PRRC2C: variants seen among roughly 807,000 people sequenced by gnomAD.
The protein encoded by PRRC2C is proline rich coiled-coil 2C, also known as protein PRRC2C.
A neutral mutation model predicts 317.2 loss-of-function variants in PRRC2C; 72 were observed. The observed-to-expected ratio is 0.23, with a 90% CI of 0.19 to 0.28. The LOEUF (loss-of-function observed/expected upper bound fraction) is 0.28, where lower values mean the gene tolerates loss of function less well. Among genes scored for constraint, PRRC2C ranks in the 10% least tolerant of loss-of-function variants. The pLI is 1.00. For missense variants in PRRC2C, 3,074 were observed against 3,459.7 expected, an observed-to-expected ratio of 0.89 and a Z score of 2.80; for synonymous variants, 1,296 against 1,205.9, an observed-to-expected ratio of 1.07 and a Z score of -1.55.
At chr1:171,556,798 A>G (rs1488164554) in intron 18 of PRRC2C, among the ~76,000 whole-genome samples, 2 of 152,258 alleles carry the variant, frequency 1.3e-5, no homozygotes, top group South Asian at 2.1e-4. Context: ...TTAATTGCCT[A>G]TAACCTTTGG....
intron 26 of PRRC2C, 134 bp downstream of exon 26, chr1:171,577,771 A>ATAATTTTTTTTTTTTTTTT (rs72021003): frequency 1.2e-5 from 3 of 257,514 alleles, no homozygotes; most frequent in Non-Finnish European, 1.2e-5. Flanking sequence ...TTAAATTCGC[A>ATAATTTTTTTTTTTTTTTT]TTTTTTTTTT....
intron 17 of PRRC2C, among the ~76,000 whole-genome samples, chr1:171,546,814 C>T (rs1330053874): frequency 2.6e-5 from 4 of 151,964 alleles, no homozygotes; most frequent in Admixed American, 2.6e-4. Context: ...AATGGGTTTT[C>T]GCCATGTTGT....
In PRRC2C at chr1:171,512,039, G is replaced by A; in HGVS notation, c.-50G>A. 1 of 1,057,616 alleles carries A rather than the reference G, an allele frequency of 9.5e-7. No homozygotes were observed. The highest frequency in any genetic ancestry group is 2.0e-4 in the Middle Eastern group (1 of 4,908). The allele number at this position is 1,057,616 out of a possible 1,614,324, so 65.5% of individuals were successfully genotyped here. ...TCTTATGTACATCTTAAGGACTGGG[G>A]TTTTAAGGGGTGTGGCAGGAGGTTT... On this transcript the variant is annotated 5_prime_UTR_variant, in exon 2 of 35. Coordinates refer to ENST00000647382, the MANE Select transcript of PRRC2C (RefSeq NM_001387844.1).
At chr1:171,550,292 G>T in intron 18 of PRRC2C, 52 bp downstream of exon 18, 4 of 1,461,216 alleles carry the variant, frequency 2.7e-6, no homozygotes, top group Middle Eastern at 1.8e-4. Context: ...GTTGCCCAAA[G>T]TGTATCAGCA....
At position 171,591,885 on chromosome 1, in the gene PRRC2C, G is replaced by GC; in HGVS notation, c.*38_*39insC. ...ATTGCAGGGGATTGGGAGGGGGGCG[G>GC]GAAAACATGGAGAATTAAGTCAGAT... is the stretch of plus-strand genomic sequence containing the variant. On this transcript the variant is annotated 3_prime_UTR_variant, in exon 35 of 35. Coordinates refer to ENST00000647382, the MANE Select transcript of PRRC2C (RefSeq NM_001387844.1). 9.2e-6 allele frequency: 4 copies of GC among 433,586 alleles called. No homozygotes were observed. The highest frequency in any genetic ancestry group is 6.5e-5 in the East Asian group (1 of 15,368). 26.9% of individuals were successfully genotyped at this position (433,586 alleles called of 1,614,324 possible). A position where few individuals can be genotyped will look rare whatever the true frequency, so the allele number is the denominator to read the frequency against.
At chr1:171,511,807 C>G (rs1040027273) in intron 1 of PRRC2C, 10 of 215,264 alleles carry the variant, frequency 4.6e-5, no homozygotes, top group African/African-American at 2.1e-4. Context: ...AACCCTTATT[C>G]TCTATGATAG....
intron 32 of PRRC2C, 113 bp from the exon 33 acceptor site, chr1:171,588,266 A>G: frequency 8.2e-7 from 1 of 1,219,668 alleles, no homozygotes; most frequent in Non-Finnish European, 1.2e-6. Flanking sequence ...CATCATAGTA[A>G]ATTTTTACCA....
intron 34 of PRRC2C, chr1:171,591,346 GA>G: frequency 1.4e-6 from 1 of 694,098 alleles, no homozygotes; most frequent in Non-Finnish European, 2.0e-6. Flanking sequence ...GGCAGACCTT[GA>G]AAAGGTGGTG....
chr1:171,535,698 A>G (rs1290993952), intron 13 of PRRC2C, 101 bp downstream of exon 13: 4 of 1,321,834 alleles, frequency 3.0e-6, no homozygotes, highest in African/African-American at 2.9e-5. Flanking sequence ...TAAAGCACAC[A>G]AAGTTCCCTT....
Position 171,592,082 on chromosome 1 carries a change from G to T in PRRC2C, c.*235G>T. On this transcript the variant is annotated 3_prime_UTR_variant, in exon 35 of 35. Coordinates refer to ENST00000647382, the MANE Select transcript of PRRC2C (RefSeq NM_001387844.1). ...TAACATGTGCTTGGTTGATGGCCAT[G>T]CATCTTCAGTCAGAATTTATATATA... 1.6e-5 allele frequency: 7 copies of T among 435,464 alleles called. No individual in the cohort carries two copies. Among genetic ancestry groups the T allele is most frequent in the Non-Finnish European group, 2.4e-5 (6 of 249,518 alleles). The allele number at this position is 435,464 out of a possible 1,614,324, so 27.0% of individuals were successfully genotyped here.
rs187619374 is a variant in PRRC2C, at chr1:171,535,741, G to A, written c.2043+144G>A. On this transcript the variant is annotated intron_variant, in intron 13 of 34. Transcript: ENST00000647382. The stretch of plus-strand genomic sequence containing the variant: ...TTTTTCCTTGTAAATAAAAGTTAAC[G>A]TGGGTTTTACCTTGACCTTCTGTGT... 464 of 1,106,178 alleles carry A rather than the reference G, an allele frequency of 4.2e-4. 1 individual carries two copies. The highest frequency in any genetic ancestry group is 5.7e-4 in the Admixed American group (23 of 40,062). 68.5% of individuals were successfully genotyped at this position (1,106,178 alleles called of 1,614,324 possible). A position where few individuals can be genotyped will look rare whatever the true frequency, so the allele number is the denominator to read the frequency against.
At chr1:171,537,189 C>G (rs942445016) in intron 14 of PRRC2C, 74 bp from the exon 15 acceptor site, 1 of 1,153,822 alleles carries the variant, frequency 8.7e-7, no homozygotes, top group Admixed American at 2.1e-5. Context: ...AACCTGTATT[C>G]TATGTCTATC....
Position 171,540,771 on chromosome 1 carries a change from C to G in PRRC2C, c.3305C>G (p.Ser1102Cys). 2 of 1,613,986 alleles carry G rather than the reference C, an allele frequency of 1.2e-6. No individual in the cohort carries two copies. Among genetic ancestry groups the G allele is most frequent in the Admixed American group, 1.7e-5 (1 of 60,020 alleles). The change falls in exon 16 of 35, where the codon TCT becomes TGT. Residue 1102 changes from serine (S) to cysteine (C), a missense_variant. By Grantham distance (112) the Ser-to-Cys change is moderately radical. Coordinates refer to ENST00000647382, the MANE Select transcript of PRRC2C (RefSeq NM_001387844.1). ...TETATLAQKPSQDTEKPLEPV... is the reference protein window; with the variant it reads ...TETATLAQKPCQDTEKPLEPV... The stretch of plus-strand genomic sequence containing the variant: ...ACTGCAACTTTGGCTCAAAAACCAT[C>G]TCAGGATACTGAGAAGCCTCTGGAA...
At position 171,588,444 on chromosome 1, in the gene PRRC2C, T is replaced by C; in HGVS notation, c.8138T>C (p.Phe2713Ser). The change falls in exon 33 of 35, where the codon TTC becomes TCC. Residue 2713 changes from phenylalanine to serine, a missense_variant. Phe to Ser is a radical substitution (Grantham distance 155). Transcript: ENST00000647382. ...AACAGCATTGTCTACCAGAAGCAGT[T>C]CCAGTCAGCCCCTGCCACTGTGAGA... ...KMNSIVYQKQ[F>S]QSAPATVRMT... 1 of 1,613,788 alleles carries C rather than the reference T, an allele frequency of 6.2e-7. No homozygotes were observed. Among genetic ancestry groups the C allele is most frequent in the Non-Finnish European group, 8.5e-7 (1 of 1,179,754 alleles).
chr1:171,513,262 C>T, intron 3 of PRRC2C, 90 bp downstream of exon 3: 2 of 1,294,052 alleles, frequency 1.5e-6, no homozygotes, highest in Non-Finnish European at 1.1e-6. Context: ...AAGTGTTATG[C>T]TGTCTGTATT....
Position 171,537,581 on chromosome 1 carries a change from G to T in PRRC2C, c.2504+108G>T. 2.0e-6 allele frequency: 2 copies of T among 1,019,168 alleles called. 1 individual carries two copies. Among genetic ancestry groups the T allele is most frequent in the South Asian group, 3.3e-5 (2 of 60,398 alleles). The allele number at this position is 1,019,168 out of a possible 1,614,324, so 63.1% of individuals were successfully genotyped here. ...AATTTAGGACTGAAGCATAAATCTG[G>T]TTTCCTTCTATTTAATTTAGCATGC... On this transcript the variant is annotated intron_variant, in intron 15 of 34. Transcript: ENST00000647382.
chr1:171,504,605 A>G (rs369708301), intron 1 of PRRC2C, among the ~76,000 whole-genome samples: 1 of 152,138 alleles, frequency 6.6e-6, no homozygotes, highest in African/African-American at 2.4e-5. Flanking sequence ...TCTAGACTCT[A>G]TTCTGCTCCA....
chr1:171,540,103 A>T lies in PRRC2C; in HGVS notation c.2637A>T (p.Arg879Ser). 6.2e-7 allele frequency: 1 copy of T among 1,613,980 alleles called. No homozygotes were observed. Among genetic ancestry groups the T allele is most frequent in the Non-Finnish European group, 8.5e-7 (1 of 1,179,860 alleles). The change falls in exon 16 of 35, where the codon AGA becomes AGT. Residue 879 changes from arginine (R) to serine (S), a missense_variant. By Grantham distance (110) the Arg-to-Ser change is moderately radical (BLOSUM62 -1). Transcript: ENST00000647382. ...SEAQVQKFLS[R>S]SVEDVRPHHT... The stretch of plus-strand genomic sequence containing the variant: ...CACAAGTACAAAAGTTTTTAAGCAG[A>T]TCTGTGGAAGATGTTAGACCTCACC...
rs768500178 is a variant in PRRC2C, at chr1:171,557,335, A to G, written c.5223A>G (p.Gln1741=). ...AAAAACAGGCTACAGGGATCCAGCA[A>G]GCACAGTCTTCAGCCTCAGTTCCAC... ...FAKKQATGIQ[Q]AQSSASVPPL... is the part of the protein sequence containing the mutation. Residue 1741 remains glutamine (Q), a synonymous_variant, in exon 19 of 35, where the codon CAA becomes CAG. Coordinates refer to ENST00000647382, the MANE Select transcript of PRRC2C (RefSeq NM_001387844.1). 1 of 1,552,008 alleles carries G rather than the reference A, an allele frequency of 6.4e-7. No homozygotes were observed. The highest frequency in any genetic ancestry group is 1.2e-5 in the South Asian group (1 of 84,066).
Sources: allele counts gnomAD v4.1 joint callset (sites outside exome capture counted in the v4.1 genomes callset), GRCh38; gene constraint gnomAD v4.1.1; transcripts MANE v1.5; gene names NCBI Gene and HGNC (gene_info 2026-07-23, HGNC 2026-07-21).